Variants in PILRB observed in about 807,000 individuals in gnomAD.
PILRB encodes the protein paired immunoglobulin-like type 2 receptor beta.
In PILRB, 21 loss-of-function variants were observed where a neutral mutation model predicts 20.5. The observed-to-expected ratio is 1.02, with a 90% CI of 0.72 to 1.47. The LOEUF (loss-of-function observed/expected upper bound fraction) is 1.47, where lower values mean the gene tolerates loss of function less well. PILRB is among the 40% of genes most tolerant of loss of function. PILRB has a pLI of 0.00. For missense variants in PILRB, 253 were observed against 272.1 expected, an observed-to-expected ratio of 0.93 and a Z score of 0.49; for synonymous variants, 133 against 115.1, an observed-to-expected ratio of 1.16 and a Z score of -0.99.
At position 100,358,746 on chromosome 7, in the gene PILRB, C is replaced by T; in HGVS notation, c.121C>T (p.Leu41Phe). 6.2e-7 allele frequency: 1 copy of T among 1,614,030 alleles called. No individual in the cohort carries two copies. Among genetic ancestry groups the T allele is most frequent in the Non-Finnish European group, 8.5e-7 (1 of 1,179,944 alleles). Residue 41 changes from leucine (L) to phenylalanine (F), a missense_variant, in exon 2 of 4, where the codon CTC becomes TTC. By Grantham distance (22) the Leu-to-Phe change is conservative (BLOSUM62 0). Coordinates refer to ENST00000609309, the MANE Select transcript of PILRB (RefSeq NM_178238.4). ...TTATGGGGTCACTCAACCAAAACAC[C>T]TCTCAGCCTCCATGGGTGGCTCTGT... is the stretch of plus-strand genomic sequence containing the variant. ...YLYGVTQPKH[L>F]SASMGGSVEI...
chr7:100,358,746 C>G lies in PILRB; in HGVS notation c.121C>G (p.Leu41Val). The change falls in exon 2 of 4, where the codon CTC (leucine) becomes GTC (valine). Residue 41 changes from leucine to valine, a missense_variant. Physicochemically the swap from Leu to Val is conservative, Grantham distance 32. Coordinates refer to ENST00000609309, the MANE Select transcript of PILRB (RefSeq NM_178238.4). ...YLYGVTQPKH[L>V]SASMGGSVEI... ...TTATGGGGTCACTCAACCAAAACAC[C>G]TCTCAGCCTCCATGGGTGGCTCTGT... 6.2e-7 allele frequency: 1 copy of G among 1,614,030 alleles called. No individual in the cohort carries two copies. The highest frequency in any genetic ancestry group is 2.2e-5 in the East Asian group (1 of 44,892).
intron 2 of PILRB, 57 bp downstream of exon 2, chr7:100,359,136 C>T: frequency 1.9e-6 from 3 of 1,603,610 alleles, no homozygotes; most frequent in Non-Finnish European, 2.6e-6. Context: ...TTTTGGTGAC[C>T]ACTGATGTCT....
chr7:100,366,228 C>T (rs1242408675), intron 3 of PILRB, among the ~76,000 whole-genome samples: 1 of 152,152 alleles, frequency 6.6e-6, no homozygotes, highest in Non-Finnish European at 1.5e-5. Flanking sequence ...CTGGGATTAT[C>T]ACCGCGTGAG....
rs368810537 is a variant in PILRB at position 100,358,928 on chromosome 7, G to A, written c.303G>A (p.Trp101Ter). The change falls in exon 2 of 4, where the codon TGG becomes TGA. Residue 101 changes from tryptophan to a stop codon, truncating the protein, a stop_gained. Coordinates refer to ENST00000609309, the MANE Select transcript of PILRB (RefSeq NM_178238.4). LOFTEE classifies it high-confidence loss of function. ...ATGTGAACCGGCTCTTTCTGAACTG[G>A]ACAGAGGGTCAGGAGAGCGGCTTCC... ...KDYVNRLFLN[W>*]TEGQESGFLR... The A allele has an allele frequency of 3.7e-6, 6 of 1,614,060 alleles. No individual in the cohort carries two copies. Among genetic ancestry groups the A allele is most frequent in the Non-Finnish European group, 5.1e-6 (6 of 1,180,044 alleles).
intron 3 of PILRB, 151 bp downstream of exon 3, chr7:100,359,688 C>A: frequency 2.9e-6 from 2 of 680,288 alleles, no homozygotes; most frequent in Non-Finnish European, 2.5e-6. Context: ...GGGGCGTCTG[C>A]ATCTCGGGGG....
chr7:100,364,559 TC>T (rs932308839), intron 3 of PILRB, among the ~76,000 whole-genome samples: 24 of 152,272 alleles, frequency 1.6e-4, no homozygotes, highest in African/African-American at 5.5e-4. Context: ...GAACGATAGA[TC>T]AACTGGAAAT....
intron 1 of PILRB, 77 bp from the exon 2 acceptor site, chr7:100,358,613 G>C: frequency 1.3e-6 from 2 of 1,551,534 alleles, no homozygotes; most frequent in South Asian, 1.2e-5. Context: ...GAAGGTGTGG[G>C]AGGGTCTGGG....
At chr7:100,361,698 A>G (rs940753785) in intron 3 of PILRB, among the ~76,000 whole-genome samples, 4 of 152,180 alleles carry the variant, frequency 2.6e-5, no homozygotes, top group African/African-American at 9.7e-5. Flanking sequence ...ATCTATAAAA[A>G]GTAAAAAAGA....
intron 1 of PILRB, 118 bp from the exon 2 acceptor site, chr7:100,358,572 C>A: frequency 7.2e-7 from 1 of 1,389,584 alleles, no homozygotes; most frequent in Non-Finnish European, 9.9e-7. Flanking sequence ...AGAGGTCAGT[C>A]CAGCCACCTG....
chr7:100,364,180 A>G (rs763533158), intron 3 of PILRB, among the ~76,000 whole-genome samples: 6 of 152,086 alleles, frequency 3.9e-5, no homozygotes, highest in Non-Finnish European at 7.4e-5. Flanking sequence ...CCTCACATAG[A>G]TAGTCAAATG....
intron 3 of PILRB, among the ~76,000 whole-genome samples, chr7:100,362,062 G>A (rs949219184): frequency 1.3e-5 from 2 of 152,116 alleles, no homozygotes; most frequent in African/African-American, 4.8e-5. Context: ...TGAGAGAGCA[G>A]GAATGGAGAG....
intron 2 of PILRB, 65 bp downstream of exon 2, chr7:100,359,144 T>A (rs192982268): frequency 2.3e-5 from 37 of 1,597,580 alleles, no homozygotes; most frequent in Admixed American, 1.5e-4. Context: ...ACCACTGATG[T>A]CTTCACATTT....
chr7:100,358,286 T>A lies in PILRB; in HGVS notation c.-17T>A. 6.2e-7 allele frequency: 1 copy of A among 1,612,212 alleles called. No homozygotes were observed. The highest frequency in any genetic ancestry group is 8.5e-7 in the Non-Finnish European group (1 of 1,179,958). ...CAGCTCTGCTGGTCTCCCCGTCCCC[T>A]GGAGAAGAACAAGGCCATGGGTCGG... On this transcript the variant is annotated 5_prime_UTR_variant, in exon 1 of 4. Coordinates refer to ENST00000609309, the MANE Select transcript of PILRB (RefSeq NM_178238.4).
intron 3 of PILRB, among the ~76,000 whole-genome samples, chr7:100,366,243 C>A (rs562138062): frequency 6.6e-6 from 1 of 152,070 alleles, no homozygotes; most frequent in African/African-American, 2.4e-5. Flanking sequence ...CGTGAGCCAC[C>A]GCACCCACCT....
In PILRB at chr7:100,359,426, T is replaced by C. The variant is rs374939824; in HGVS notation, c.544T>C (p.Trp182Arg). ...AGAAAGCAAAGGGCACTCAGAATCATGGCACCTAAGTCTGGACACTGCCAT... is the reference window on the plus strand; with the variant it reads ...AGAAAGCAAAGGGCACTCAGAATCACGGCACCTAAGTCTGGACACTGCCAT... ...VTESKGHSES[W>R]HLSLDTAIRV... Residue 182 changes from tryptophan to arginine, a missense_variant, in exon 3 of 4, where the codon TGG (tryptophan) becomes CGG (arginine). Trp to Arg is a moderately radical substitution (Grantham distance 101). Transcript: ENST00000609309. The C allele has an allele frequency of 1.4e-5, 22 of 1,614,168 alleles. No homozygotes were observed. The East Asian group carries it at 1.8e-4, about 13-fold the overall frequency.
intron 3 of PILRB, among the ~76,000 whole-genome samples, chr7:100,361,763 G>A (rs1443919835): frequency 6.6e-6 from 1 of 152,110 alleles, no homozygotes; most frequent in East Asian, 1.9e-4. Flanking sequence ...CAGAGGGGAG[G>A]AACATGGAGT....
intron 3 of PILRB, among the ~76,000 whole-genome samples, chr7:100,362,865 A>G (rs1329005203): frequency 6.6e-6 from 1 of 152,154 alleles, no homozygotes; most frequent in Non-Finnish European, 1.5e-5. Flanking sequence ...ATGTACAGCA[A>G]CAAAATAAAG....
chr7:100,367,291 C>T, intron 3 of PILRB, 58 bp from the exon 4 acceptor site: 1 of 779,804 alleles, frequency 1.3e-6, no homozygotes. Flanking sequence ...AAGCAACTGC[C>T]TCGCCTGCCT....
chr7:100,360,076 T>TC (rs1361670592), intron 3 of PILRB, among the ~76,000 whole-genome samples: 2 of 151,886 alleles, frequency 1.3e-5, no homozygotes, highest in East Asian at 3.9e-4. Flanking sequence ...CACAGCTGGA[T>TC]CCCCCCAACT....
Sources: gnomAD v4.1 joint callset for allele counts (sites outside exome capture counted in the v4.1 genomes callset) on GRCh38, gnomAD v4.1.1 for gene constraint, MANE v1.5 for transcripts, NCBI Gene and HGNC (gene_info 2026-07-23, HGNC 2026-07-21) for gene names.